Variants in MBNL2 observed in about 807,000 individuals in gnomAD.
MBNL2 encodes muscleblind like splicing regulator 2.
In MBNL2, 17 loss-of-function variants were observed where a neutral mutation model predicts 41.9. That is an observed-to-expected ratio of 0.41 (90% CI 0.28 to 0.61). The LOEUF (loss-of-function observed/expected upper bound fraction) is 0.61, where lower values mean the gene tolerates loss of function less well. MBNL2 is among the 20% of genes least tolerant of loss of function. The pLI is 0.35. For missense variants in MBNL2, 336 were observed against 505.6 expected (o/e 0.66, Z 3.22); for synonymous variants, 195 against 182.9 (o/e 1.07, Z -0.53).
intron 2 of MBNL2, among the ~76,000 whole-genome samples, chr13:97,311,238 A>G (rs1425459744): frequency 6.6e-6 from 1 of 152,230 alleles, no homozygotes; most frequent in Non-Finnish European, 1.5e-5. Flanking sequence ...AGCAAACACA[A>G]TGCCGGCATT....
chr13:97,227,065 C>CAA (rs5806007), intron 1 of MBNL2, among the ~76,000 whole-genome samples: 10 of 143,872 alleles, frequency 7.0e-5, no homozygotes, highest in Non-Finnish European at 1.4e-4. Flanking sequence ...AAAAAAAAAT[C>CAA]AAAAAAAAAA....
At chr13:97,166,837 T>TAGAAAGAAAGAAAGAAAGAAAGAA in the MBNL2 span, among the ~76,000 whole-genome samples, 6 of 143,380 alleles carry the variant, frequency 4.2e-5, no homozygotes, top group Non-Finnish European at 7.7e-5. Flanking sequence ...GATAGATAGA[T>TAGAAAGAAAGAAAGAAAGAAAGAA]AGAAAGATAG....
chr13:97,144,046 A>T, the MBNL2 span, among the ~76,000 whole-genome samples: 18 of 151,970 alleles, frequency 1.2e-4, no homozygotes, highest in Admixed American at 3.9e-4. Flanking sequence ...GTTTCACCAC[A>T]TTGACCAGGC....
At chr13:97,299,662 A>G (rs74873231) in intron 2 of MBNL2, among the ~76,000 whole-genome samples, 2 of 140,700 alleles carry the variant, frequency 1.4e-5, no homozygotes, top group African/African-American at 2.8e-5. Flanking sequence ...CTATCTATCT[A>G]TCTATCTATC....
the MBNL2 span, among the ~76,000 whole-genome samples, chr13:97,159,394 A>T: frequency 6.6e-6 from 1 of 151,912 alleles, no homozygotes; most frequent in Non-Finnish European, 1.5e-5. Flanking sequence ...TAGTCCATTT[A>T]CATTTAAAGT....
rs1485438874 is a variant in MBNL2 at position 97,346,701 on chromosome 13, A to G, written c.541-103A>G. ...TCTTGTCAGTGGTACATGAGCCACC[A>G]TTGAAAGCGAGGCAGCCTCCGCTCC... is the stretch of plus-strand genomic sequence containing the variant. On this transcript the variant is annotated intron_variant, in intron 4 of 8. Coordinates refer to ENST00000679496, the MANE Select transcript of MBNL2 (RefSeq NM_001382683.1). This position sits in a 1 kb window ranked among gnomAD's most constrained non-coding sequence, Gnocchi z 4.2. 3.5e-6 allele frequency: 3 copies of G among 853,980 alleles called. No homozygotes were observed. In the African/African-American group the frequency reaches 5.1e-5, roughly 14 times the overall value. The allele number at this position is 853,980 out of a possible 1,614,324, so 52.9% of individuals were successfully genotyped here.
At chr13:97,216,885 T>A (rs896588310), upstream of MBNL2, among the ~76,000 whole-genome samples, 2 of 151,168 alleles carry the variant, frequency 1.3e-5, no homozygotes, top group African/African-American at 4.9e-5. Flanking sequence ...TTATTACATA[T>A]GTAGTATATT....
At chr13:97,182,885 T>C in the MBNL2 span, among the ~76,000 whole-genome samples, 1 of 152,188 alleles carries the variant, frequency 6.6e-6, no homozygotes, top group Non-Finnish European at 1.5e-5. Context: ...TGGGTTGATC[T>C]TGGGGGAAAG....
chr13:97,326,267 G>A, intron 2 of MBNL2, among the ~76,000 whole-genome samples: 1 of 152,206 alleles, frequency 6.6e-6, no homozygotes, highest in Non-Finnish European at 1.5e-5. Context: ...GGAGGTAGTA[G>A]TGACTGTCTA....
At chr13:97,373,178 T>A (rs1021093502) in intron 8 of MBNL2, among the ~76,000 whole-genome samples, 1 of 152,096 alleles carries the variant, frequency 6.6e-6, no homozygotes, top group African/African-American at 2.4e-5. Context: ...CGTATGTTGT[T>A]CTCCAAAAAA....
intron 1 of MBNL2, among the ~76,000 whole-genome samples, chr13:97,246,034 A>G (rs1457167918): frequency 2.0e-5 from 3 of 152,188 alleles, no homozygotes; most frequent in Non-Finnish European, 2.9e-5. Flanking sequence ...TGGTATTACT[A>G]CATTTTATAG....
At chr13:97,162,747 G>A in the MBNL2 span, among the ~76,000 whole-genome samples, 4 of 152,198 alleles carry the variant, frequency 2.6e-5, no homozygotes, top group Admixed American at 2.0e-4. Context: ...TGTGCATACT[G>A]CTCACAGGAG....
chr13:97,391,730 G>A lies in MBNL2; in HGVS notation c.*281G>A. The A allele has an allele frequency of 3.4e-6, 1 of 295,680 alleles. No individual in the cohort carries two copies. Among genetic ancestry groups the A allele is most frequent in the Non-Finnish European group, 6.2e-6 (1 of 161,942 alleles). The allele number at this position is 295,680 out of a possible 1,614,324, so 18.3% of individuals were successfully genotyped here. A position where few individuals can be genotyped will look rare whatever the true frequency, so the allele number is the denominator to read the frequency against. On this transcript the variant is annotated 3_prime_UTR_variant, in exon 9 of 9. Coordinates refer to ENST00000679496, the MANE Select transcript of MBNL2 (RefSeq NM_001382683.1). ...TTCGATTCAGAATATTTCAAATTTA[G>A]CAATAAACAATTAGCATTAGTTAAA...
intron 5 of MBNL2, among the ~76,000 whole-genome samples, chr13:97,348,210 G>A (rs1193674342): frequency 6.6e-6 from 1 of 151,720 alleles, no homozygotes; most frequent in Non-Finnish European, 1.5e-5. Flanking sequence ...GAGTAGCTGG[G>A]AACATGCCCA....
At chr13:97,294,755 A>G (rs1448270416) in intron 2 of MBNL2, among the ~76,000 whole-genome samples, 1 of 152,226 alleles carries the variant, frequency 6.6e-6, no homozygotes, top group Non-Finnish European at 1.5e-5. Context: ...TGAAGGTCTT[A>G]CTTAAAGTTT....
chr13:97,169,895 C>G, the MBNL2 span, among the ~76,000 whole-genome samples: 2 of 152,190 alleles, frequency 1.3e-5, no homozygotes, highest in African/African-American at 4.8e-5. Flanking sequence ...CAATGCTGCA[C>G]TTGATTTCTT....
intron 8 of MBNL2, among the ~76,000 whole-genome samples, chr13:97,377,814 G>A: frequency 6.6e-6 from 1 of 152,220 alleles, no homozygotes; most frequent in East Asian, 1.9e-4. Flanking sequence ...AGAATGAGAA[G>A]AAAAATTCCA....
At chr13:97,281,773 G>T (rs181101051) in intron 2 of MBNL2, among the ~76,000 whole-genome samples, 2 of 152,058 alleles carry the variant, frequency 1.3e-5, no homozygotes, top group African/African-American at 4.8e-5. Flanking sequence ...GGTACTTTTC[G>T]TGCATTATCT....
chr13:97,164,041 C>T, the MBNL2 span, among the ~76,000 whole-genome samples: 2 of 152,306 alleles, frequency 1.3e-5, no homozygotes, highest in East Asian at 1.9e-4. Context: ...GGGTCTCGCT[C>T]TGTCACCCAG....
Sources: allele counts gnomAD v4.1 joint callset (sites outside exome capture counted in the v4.1 genomes callset), GRCh38; gene constraint gnomAD v4.1.1; non-coding constraint Gnocchi (gnomAD v3.1); transcripts MANE v1.5; gene names NCBI Gene and HGNC (gene_info 2026-07-23, HGNC 2026-07-21).